Variants in AKAP13 observed in about 807,000 individuals in gnomAD.
The protein encoded by AKAP13 is A-kinase anchoring protein 13.
Under a neutral mutation model 264.5 loss-of-function variants are expected in AKAP13, and 80 were observed. The ratio of observed to expected loss-of-function variants is 0.30; its 90% CI spans 0.25 to 0.36. The LOEUF is 0.36. AKAP13 is among the 10% of genes least tolerant of loss of function. The pLI is 1.00. For synonymous variants in AKAP13, 1,380 were observed against 1,250.2 expected (o/e 1.10, Z -2.19); for missense variants, 3,712 against 3,435.2 (o/e 1.08, Z -2.01).
chr15:85,451,686 A>G (rs2074095480), intron 1 of AKAP13, among the ~76,000 whole-genome samples: 1 of 152,244 alleles, frequency 6.6e-6, no homozygotes, highest in Admixed American at 6.5e-5. Context: ...AATGTTGAAT[A>G]TAGGCCCCCA....
intron 17 of AKAP13, among the ~76,000 whole-genome samples, chr15:85,695,323 G>T (rs1040079226): frequency 6.6e-6 from 1 of 152,172 alleles, no homozygotes; most frequent in African/African-American, 2.4e-5. Flanking sequence ...AGAATTGCTT[G>T]AACTTGGGAA....
chr15:85,657,654 G>A (rs974027801), intron 11 of AKAP13, among the ~76,000 whole-genome samples: 21 of 148,662 alleles, frequency 1.4e-4, no homozygotes, highest in African/African-American at 5.2e-4. Flanking sequence ...TTTTATATAC[G>A]TTTGAGACCC....
intron 1 of AKAP13, among the ~76,000 whole-genome samples, chr15:85,383,111 T>G (rs1263480923): frequency 6.6e-6 from 1 of 152,096 alleles, no homozygotes; most frequent in African/African-American, 2.4e-5. Context: ...CCCAGTTGTC[T>G]CTAACTCCTG....
intron 2 of AKAP13, chr15:85,520,591 GA>G: frequency 2.0e-6 from 1 of 507,544 alleles, no homozygotes; most frequent in Non-Finnish European, 3.9e-6. Flanking sequence ...ATTGGCTCAA[GA>G]TTTTTGTCTG....
intron 23 of AKAP13, among the ~76,000 whole-genome samples, chr15:85,721,274 C>T (rs911281529): frequency 6.6e-6 from 1 of 152,200 alleles, no homozygotes; most frequent in Admixed American, 6.5e-5. Context: ...AACTTACCGT[C>T]CCTCTGTCTC....
intron 1 of AKAP13, among the ~76,000 whole-genome samples, chr15:85,458,305 C>T (rs1201149865): frequency 6.6e-6 from 1 of 151,138 alleles, no homozygotes; most frequent in Non-Finnish European, 1.5e-5. Context: ...TGAAAATTAC[C>T]CATAATTGTA....
chr15:85,733,279 T>C (rs2088186512), intron 30 of AKAP13, among the ~76,000 whole-genome samples: 2 of 152,258 alleles, frequency 1.3e-5, no homozygotes. Flanking sequence ...TATTAATTAC[T>C]CTCAAGTATG....
chr15:85,602,354 T>G (rs2080122445), intron 8 of AKAP13, among the ~76,000 whole-genome samples: 1 of 151,954 alleles, frequency 6.6e-6, no homozygotes, highest in African/African-American at 2.4e-5. Flanking sequence ...TTTTGTATTT[T>G]TAATAGAGAT....
intron 8 of AKAP13, among the ~76,000 whole-genome samples, chr15:85,636,976 T>C (rs2082097530): frequency 6.6e-6 from 1 of 152,236 alleles, no homozygotes; most frequent in Admixed American, 6.5e-5. Context: ...TTTAATAAAC[T>C]GGTTTTTCAA....
chr15:85,700,565 C>T (rs1049826347), intron 17 of AKAP13, among the ~76,000 whole-genome samples: 1 of 152,200 alleles, frequency 6.6e-6, no homozygotes, highest in African/African-American at 2.4e-5. Context: ...CTGAGATTCT[C>T]AGCCACACTT....
intron 33 of AKAP13, among the ~76,000 whole-genome samples, chr15:85,737,771 G>A (rs952156135): frequency 6.6e-6 from 1 of 152,088 alleles, no homozygotes; most frequent in Non-Finnish European, 1.5e-5. Context: ...CAGAGTAGCT[G>A]GGACTACAGG....
At chr15:85,601,271 A>G (rs1299430147) in intron 8 of AKAP13, among the ~76,000 whole-genome samples, 1 of 152,220 alleles carries the variant, frequency 6.6e-6, no homozygotes, top group Non-Finnish European at 1.5e-5. Context: ...AGTACCTTTC[A>G]GTTAACTTCA....
intron 5 of AKAP13, among the ~76,000 whole-genome samples, chr15:85,545,805 G>A (rs186023457): frequency 6.6e-6 from 1 of 152,206 alleles, no homozygotes; most frequent in East Asian, 1.9e-4. Flanking sequence ...TTTTGTTATT[G>A]GTTTTCTTTT....
intron 1 of AKAP13, among the ~76,000 whole-genome samples, chr15:85,384,459 G>C (rs565780453): frequency 6.6e-6 from 1 of 152,338 alleles, no homozygotes; most frequent in African/African-American, 2.4e-5. Context: ...GCTCACGCCT[G>C]TAATCCCAGC....
At chr15:85,738,163 C>T (rs1040232529) in intron 33 of AKAP13, among the ~76,000 whole-genome samples, 3 of 151,772 alleles carry the variant, frequency 2.0e-5, no homozygotes, top group African/African-American at 7.3e-5. Flanking sequence ...TTTGGGAGGC[C>T]GAGGTGGGTG....
At chr15:85,706,314 A>C (rs2086252664) in intron 17 of AKAP13, among the ~76,000 whole-genome samples, 1 of 152,206 alleles carries the variant, frequency 6.6e-6, no homozygotes, top group African/African-American at 2.4e-5. Flanking sequence ...GAGGATGGGC[A>C]GAAACATGTT....
intron 10 of AKAP13, among the ~76,000 whole-genome samples, chr15:85,650,858 G>A (rs2082802842): frequency 6.7e-6 from 1 of 149,738 alleles, no homozygotes; most frequent in Non-Finnish European, 1.5e-5. Context: ...GTGAACCAGT[G>A]GTAATGCTTG....
intron 17 of AKAP13, among the ~76,000 whole-genome samples, chr15:85,696,485 T>A (rs752145321): frequency 1.3e-5 from 2 of 152,198 alleles, no homozygotes; most frequent in African/African-American, 2.4e-5. Context: ...AAGGAGTCAT[T>A]TTAAATAAGA....
intron 5 of AKAP13, chr15:85,555,472 G>A (rs985448645): frequency 7.8e-7 from 1 of 1,288,204 alleles, no homozygotes; most frequent in Non-Finnish European, 1.0e-6. Flanking sequence ...GCGATATTCG[G>A]GGTGCTTGGG....
Sources: gnomAD v4.1 joint callset for allele counts (sites outside exome capture counted in the v4.1 genomes callset) on GRCh38, gnomAD v4.1.1 for gene constraint, MANE v1.5 for transcripts, NCBI Gene and HGNC (gene_info 2026-07-23, HGNC 2026-07-21) for gene names.